WDR18: variants seen among roughly 807,000 people sequenced by gnomAD.
The protein encoded by WDR18 is WD repeat domain 18.
In WDR18, 33 loss-of-function variants were observed where a neutral mutation model predicts 49.6. The observed-to-expected ratio is 0.67, with a 90% CI of 0.50 to 0.89. The LOEUF is 0.89. WDR18 is among the 40% of genes least tolerant of loss of function. The pLI, the probability that WDR18 is intolerant of heterozygous loss-of-function variation, is 0.00. For missense variants in WDR18, 653 were observed against 593.6 expected (o/e 1.10, Z -1.04); for synonymous variants, 315 against 263.6 (o/e 1.19, Z -1.89).
intron 3 of WDR18, 79 bp from the exon 4 acceptor site, chr19:990,144 G>A (rs1354082100): frequency 5.4e-6 from 8 of 1,469,840 alleles, no homozygotes; most frequent in Middle Eastern, 2.2e-4. Context: ...AGGTGTGTGC[G>A]TGAGGTGGGT....
chr19:989,853 CAG>C lies in WDR18; in HGVS notation c.414_415del (p.Gly140GlnfsTer75), dbSNP rs772100103. ...ACAGGGGACAGCAGCCACTTCATCTCAGGGGGCAAGGACTGCCTGGTGCTGGT... is the reference window on the plus strand; with the variant it reads ...ACAGGGGACAGCAGCCACTTCATCTCGGGGCAAGGACTGCCTGGTGCTGGT... On this transcript the variant is annotated frameshift_variant, in exon 3 of 10. Transcript: ENST00000585809. LOFTEE classifies it high-confidence loss of function. The C allele has an allele frequency of 9.9e-6, 16 of 1,612,460 alleles. No homozygotes were observed. In the Admixed American group the frequency reaches 1.2e-4, roughly 12 times the overall value.
intron 2 of WDR18, among the ~76,000 whole-genome samples, chr19:986,800 T>C (rs185373086): frequency 1.3e-5 from 2 of 152,192 alleles, no homozygotes; most frequent in Non-Finnish European, 2.9e-5. Context: ...TCAGGCCTCT[T>C]GGAGTTTGGC....
chr19:990,134 A>T, intron 3 of WDR18, 89 bp from the exon 4 acceptor site: 3 of 1,447,134 alleles, frequency 2.1e-6, no homozygotes, highest in Non-Finnish European at 2.8e-6. Context: ...GAGTGGAGGC[A>T]GGTGTGTGCG....
In WDR18 at chr19:984,445, T is replaced by G. The variant is rs1305900729; in HGVS notation, c.92T>G (p.Leu31Arg). Reference sequence around the variant, plus strand: ...TGGGAACTTCACTCGGGCGCCAACCTGCTCACCTACCGCGGCGGCCAGGCG... The same window carrying G: ...TGGGAACTTCACTCGGGCGCCAACCGGCTCACCTACCGCGGCGGCCAGGCG... ...IVWELHSGAN[L>R]LTYRGGQAGP... Residue 31 changes from leucine to arginine, a missense_variant, in exon 1 of 10, where the codon CTG becomes CGG. Leu to Arg is a moderately radical substitution (Grantham distance 102). Coordinates refer to ENST00000585809, the MANE Select transcript of WDR18 (RefSeq NM_024100.4). 6.3e-7 allele frequency: 1 copy of G among 1,598,928 alleles called. No individual in the cohort carries two copies. Among genetic ancestry groups the G allele is most frequent in the Non-Finnish European group, 8.5e-7 (1 of 1,174,288 alleles).
rs2038471619 is a variant in WDR18 at position 986,065 on chromosome 19, C to T, written c.321+90C>T. ...GGGCACCAGGGAACAACCATGCGGC[C>T]TGGGGCCCTGGGATGGGTGACTGCT... On this transcript the variant is annotated intron_variant, in intron 2 of 9. Transcript: ENST00000585809. 2.4e-6 allele frequency: 3 copies of T among 1,248,900 alleles called. No homozygotes were observed. The South Asian group carries it at 3.8e-5, about 16-fold the overall frequency. The allele number at this position is 1,248,900 out of a possible 1,614,324, so 77.4% of individuals were successfully genotyped here. A position where few individuals can be genotyped will look rare whatever the true frequency, so the allele number is the denominator to read the frequency against.
At chr19:989,641 G>C (rs752634790) in intron 2 of WDR18, 121 bp from the exon 3 acceptor site, 46 of 1,412,814 alleles carry the variant, frequency 3.3e-5, no homozygotes, top group Non-Finnish European at 4.3e-5. Flanking sequence ...TCCTGGGGCA[G>C]GGCAGGCAGG....
chr19:990,459 G>C (rs1167378648), intron 4 of WDR18, 95 bp downstream of exon 4: 1 of 1,412,124 alleles, frequency 7.1e-7, no homozygotes, highest in East Asian at 2.7e-5. Context: ...CCCGCTCCCT[G>C]CTGTCAGGAC....
At chr19:989,587 C>T (rs1263058853) in intron 2 of WDR18, among the ~76,000 whole-genome samples, 175 bp from the exon 3 acceptor site, 1 of 152,216 alleles carries the variant, frequency 6.6e-6, no homozygotes, top group Non-Finnish European at 1.5e-5. Context: ...CGACGAGGCC[C>T]CGCTGTACCT....
upstream of WDR18, among the ~76,000 whole-genome samples, chr19:982,985 C>T (rs1004813995): frequency 2.0e-5 from 3 of 152,200 alleles, no homozygotes; most frequent in African/African-American, 7.2e-5. Context: ...GCACCGCCTC[C>T]GGGGACCGCA....
In WDR18 at chr19:989,948, G is replaced by C; in HGVS notation, c.455+53G>C. 1.9e-6 allele frequency: 3 copies of C among 1,541,708 alleles called. No homozygotes were observed. The African/African-American group carries it at 4.1e-5, about 21-fold the overall frequency. ...CCTGGAACTGCACCCGGGCTCAGGC[G>C]GGGAGAGGAGGCGCCAAGGCCCCTG... On this transcript the variant is annotated intron_variant, in intron 3 of 9. Transcript: ENST00000585809.
chr19:994,057 T>C lies in WDR18; in HGVS notation c.1136T>C (p.Leu379Pro), dbSNP rs1318978745. 2.6e-6 allele frequency: 4 copies of C among 1,560,872 alleles called. No individual in the cohort carries two copies. The South Asian group carries it at 3.5e-5, about 14-fold the overall frequency. Residue 379 changes from leucine to proline, a missense_variant, in exon 9 of 10, where the codon CTG becomes CCG. Physicochemically the swap from Leu to Pro is moderately conservative, Grantham distance 98. Coordinates refer to ENST00000585809, the MANE Select transcript of WDR18 (RefSeq NM_024100.4). Reference protein sequence around the residue: ...EPSYLDRTEQLQAVLCSTMEK... With the variant: ...EPSYLDRTEQPQAVLCSTMEK... ...AGCTACCTGGACCGCACGGAGCAGC[T>C]GCAGGCCGTCCTGTGCAGCACCATG...
chr19:986,891 A>G (rs954971216), intron 2 of WDR18, among the ~76,000 whole-genome samples: 1 of 152,086 alleles, frequency 6.6e-6, no homozygotes, highest in South Asian at 2.1e-4. Flanking sequence ...CCTGCCCTCA[A>G]CCCCACATAG....
intron 8 of WDR18, among the ~76,000 whole-genome samples, chr19:992,722 T>G (rs574646467): frequency 6.6e-6 from 1 of 152,132 alleles, no homozygotes; most frequent in South Asian, 2.1e-4. Flanking sequence ...TAGAAGCCAG[T>G]GTGGTTGGCT....
At position 991,290 on chromosome 19, in the gene WDR18, C is replaced by T. The variant is rs1016900924; in HGVS notation, c.870C>T (p.Asp290=). The T allele has an allele frequency of 2.6e-6, 4 of 1,563,366 alleles. No individual in the cohort carries two copies. Among genetic ancestry groups the T allele is most frequent in the Admixed American group, 1.9e-5 (1 of 53,086 alleles). Residue 290 remains aspartate (D), a synonymous_variant, in exon 7 of 10, where the codon GAC becomes GAT. Transcript: ENST00000585809. The part of the protein sequence containing the change: ...DGSVLLSGSH[D]ETVRLWDVQS... ...GCGTGCTGCTCTCAGGCTCCCACGACGAGACCGTGCGCCTCTGGGACGTGC... is the reference window on the plus strand; with the variant it reads ...GCGTGCTGCTCTCAGGCTCCCACGATGAGACCGTGCGCCTCTGGGACGTGC...
chr19:991,843 T>TG, intron 7 of WDR18, 112 bp from the exon 8 acceptor site: 1 of 960,486 alleles, frequency 1.0e-6, no homozygotes, highest in Non-Finnish European at 1.3e-6. Context: ...GGACTGGCTG[T>TG]GGGGCGGGGA....
At chr19:991,895 GC>G in intron 7 of WDR18, 59 bp from the exon 8 acceptor site, 2 of 1,410,158 alleles carry the variant, frequency 1.4e-6, no homozygotes, top group Non-Finnish European at 1.8e-6. Flanking sequence ...GCGGAACTTG[GC>G]TTGCTGTGGG....
Position 994,424 on chromosome 19 carries a change from A to AC in WDR18, c.*82dup. The stretch of plus-strand genomic sequence containing the variant: ...ACCAGGGCCCGCGGGTGTGGCCCCC[A>AC]CCAGCCCAGGCCTGGACTCTCCTCA... On this transcript the variant is annotated 3_prime_UTR_variant, in exon 10 of 10. Transcript: ENST00000585809. The AC allele has an allele frequency of 1.3e-6, 2 of 1,520,350 alleles. No individual in the cohort carries two copies. Among genetic ancestry groups the AC allele is most frequent in the Non-Finnish European group, 1.8e-6 (2 of 1,134,144 alleles). 94.2% of individuals were successfully genotyped at this position (1,520,350 alleles called of 1,614,324 possible). A position where few individuals can be genotyped will look rare whatever the true frequency, so the allele number is the denominator to read the frequency against.
intron 2 of WDR18, among the ~76,000 whole-genome samples, chr19:987,463 A>G (rs1230634371): frequency 1.3e-5 from 2 of 152,230 alleles, no homozygotes; most frequent in African/African-American, 2.4e-5. Context: ...GGGTCTCACT[A>G]CATTGCCGTA....
At chr19:988,128 C>A (rs150444140) in intron 2 of WDR18, among the ~76,000 whole-genome samples, 1 of 147,196 alleles carries the variant, frequency 6.8e-6, no homozygotes, top group Non-Finnish European at 1.5e-5. Context: ...CTGCAGCTGG[C>A]CCTCCTGGAG....
Sources: allele counts gnomAD v4.1 joint callset (sites outside exome capture counted in the v4.1 genomes callset), GRCh38; gene constraint gnomAD v4.1.1; transcripts MANE v1.5; gene names NCBI Gene and HGNC (gene_info 2026-07-23, HGNC 2026-07-21).